Variants in FSIP2 observed in about 807,000 individuals in gnomAD.
The protein encoded by FSIP2 is fibrous sheath interacting protein 2, also known as fibrous sheath-interacting protein 2.
Under a neutral mutation model 510.5 loss-of-function variants are expected in FSIP2, and 367 were observed. That is an observed-to-expected ratio of 0.72 (90% CI 0.66 to 0.78). The LOEUF (loss-of-function observed/expected upper bound fraction) is 0.78, where lower values mean the gene tolerates loss of function less well. FSIP2 is among the 30% of genes least tolerant of loss of function. The probability of loss-of-function intolerance (pLI) is 0.00; values close to 1 mark genes in which losing one functional copy is unlikely to be tolerated. For missense variants in FSIP2, 7,594 were observed against 7,901.7 expected (o/e 0.96, Z 1.48); for synonymous variants, 2,601 against 2,732.2 (o/e 0.95, Z 1.50).
intron 19 of FSIP2, among the ~76,000 whole-genome samples, chr2:185,823,084 C>T (rs1423383309): frequency 1.3e-5 from 2 of 151,772 alleles, no homozygotes; most frequent in Non-Finnish European, 2.9e-5. Context: ...GAGATCTAAA[C>T]ATAAGAACTA....
chr2:185,773,130 G>A (rs951683747), intron 13 of FSIP2, among the ~76,000 whole-genome samples: 2 of 152,088 alleles, frequency 1.3e-5, no homozygotes, highest in Admixed American at 1.3e-4. Context: ...CCAAAGTGCT[G>A]GGATTACAAG....
chr2:185,771,926 C>A (rs1456937926), intron 13 of FSIP2, among the ~76,000 whole-genome samples: 1 of 152,196 alleles, frequency 6.6e-6, no homozygotes. Context: ...TTAGAAGCAG[C>A]CACATCATTT....
chr2:185,784,402 G>A (rs1692919418), intron 14 of FSIP2, among the ~76,000 whole-genome samples: 1 of 151,942 alleles, frequency 6.6e-6, no homozygotes, highest in South Asian at 2.1e-4. Context: ...GGGTGTAATG[G>A]TCAAATTAGC....
chr2:185,785,131 G>C (rs1367546973), intron 14 of FSIP2, among the ~76,000 whole-genome samples: 4 of 152,076 alleles, frequency 2.6e-5, no homozygotes, highest in African/African-American at 9.7e-5. Context: ...AAACAGAAAA[G>C]TGAATCTGAA....
At chr2:185,829,121 A>G (rs950974973) in intron 21 of FSIP2, among the ~76,000 whole-genome samples, 2 of 151,870 alleles carry the variant, frequency 1.3e-5, no homozygotes, top group African/African-American at 4.8e-5. Flanking sequence ...CTGAAGCTCT[A>G]ATCTAAGAAC....
chr2:185,800,655 A>G lies in FSIP2; in HGVS notation c.11349A>G (p.Thr3783=). Residue 3783 remains threonine (T), a synonymous_variant, in exon 17 of 23, where the codon ACA becomes ACG. Transcript: ENST00000424728. ...FPDKGSVSEE[T]SAEECQLLKM... is the part of the protein sequence containing the mutation. ...ATAAAGGGTCTGTTTCAGAGGAAAC[A>G]TCAGCAGAAGAATGTCAACTTTTAA... is the stretch of plus-strand genomic sequence containing the variant. The G allele has an allele frequency of 6.5e-7, 1 of 1,534,222 alleles. No individual in the cohort carries two copies. Among genetic ancestry groups the G allele is most frequent in the Non-Finnish European group, 8.7e-7 (1 of 1,145,686 alleles).
rs1445513532 is a variant in FSIP2 at position 185,794,232 on chromosome 2, G to T, written c.7096G>T (p.Asp2366Tyr). Residue 2366 changes from aspartate (D) to tyrosine (Y), a missense_variant, in exon 16 of 23, where the codon GAC becomes TAC. Transcript: ENST00000424728. ...TGCCATTTTGAAGCTTATTAAAAAT[G>T]ACTTAGACTTAGAAATTCAAAAGAT... is the stretch of plus-strand genomic sequence containing the variant. Reference protein sequence around the residue: ...ASAILKLIKNDLDLEIQKIYP... With the variant: ...ASAILKLIKNYLDLEIQKIYP... 1.3e-6 allele frequency: 2 copies of T among 1,533,916 alleles called. No homozygotes were observed. The highest frequency in any genetic ancestry group is 1.7e-6 in the Non-Finnish European group (2 of 1,145,556).
At position 185,804,592 on chromosome 2, in the gene FSIP2, C is replaced by T; in HGVS notation, c.15286C>T (p.Leu5096Phe). The T allele has an allele frequency of 6.5e-7, 1 of 1,533,038 alleles. No homozygotes were observed. The highest frequency in any genetic ancestry group is 8.7e-7 in the Non-Finnish European group (1 of 1,144,796). 95.0% of individuals were successfully genotyped at this position (1,533,038 alleles called of 1,614,324 possible). ...AGCTGATAATATCATCAGAAATGTG[C>T]TTAACATAATCACAAAGGATAGCCA... ...PQADNIIRNV[L>F]NIITKDSHAL... Residue 5096 changes from leucine (L) to phenylalanine (F), a missense_variant, in exon 17 of 23, where the codon CTT (leucine) becomes TTT (phenylalanine). Leu to Phe is a conservative substitution (Grantham distance 22, BLOSUM62 0). Coordinates refer to ENST00000424728, the MANE Select transcript of FSIP2 (RefSeq NM_173651.4).
intron 2 of FSIP2, among the ~76,000 whole-genome samples, chr2:185,741,827 C>G (rs1039639758): frequency 2.0e-5 from 3 of 152,154 alleles, no homozygotes; most frequent in African/African-American, 7.2e-5. Context: ...CTCTCATCTA[C>G]CTTTTACCCA....
chr2:185,772,954 A>G (rs1692637912), intron 13 of FSIP2, among the ~76,000 whole-genome samples: 1 of 151,846 alleles, frequency 6.6e-6, no homozygotes, highest in South Asian at 2.1e-4. Context: ...TCCACATCCT[A>G]GGCTCAAGCC....
chr2:185,779,847 GATTTT>G (rs1692804475), intron 13 of FSIP2, among the ~76,000 whole-genome samples: 1 of 151,604 alleles, frequency 6.6e-6, no homozygotes. Context: ...TAAATTCTCA[GATTTT>G]ATTTGATAAA....
intron 7 of FSIP2, among the ~76,000 whole-genome samples, chr2:185,750,524 G>A (rs184761992): frequency 6.7e-6 from 1 of 148,726 alleles, no homozygotes; most frequent in African/African-American, 2.4e-5. Flanking sequence ...CCTGGCTAGA[G>A]TTGCTTTTTC....
In FSIP2 at chr2:185,803,661, T is replaced by C; in HGVS notation, c.14355T>C (p.Tyr4785=). The C allele has an allele frequency of 6.5e-7, 1 of 1,528,558 alleles. No individual in the cohort carries two copies. Among genetic ancestry groups the C allele is most frequent in the Non-Finnish European group, 8.8e-7 (1 of 1,141,862 alleles). 94.7% of individuals were successfully genotyped at this position (1,528,558 alleles called of 1,614,324 possible). The change falls in exon 17 of 23, where the codon TAT becomes TAC. Residue 4785 remains tyrosine (Y), a synonymous_variant. Coordinates refer to ENST00000424728, the MANE Select transcript of FSIP2 (RefSeq NM_173651.4). The part of the protein sequence containing the change: ...SRFQRQASTM[Y]TTMLSHSHLE... ...TCCAAAGACAAGCTTCAACAATGTA[T>C]ACCACTATGTTATCACATAGTCATT... is the stretch of plus-strand genomic sequence containing the variant.
At chr2:185,829,457 A>G (rs1411827805) in intron 21 of FSIP2, among the ~76,000 whole-genome samples, 3 of 152,016 alleles carry the variant, frequency 2.0e-5, no homozygotes, top group Non-Finnish European at 4.4e-5. Flanking sequence ...TAGACTCAGG[A>G]AAACTCAAAT....
In FSIP2 at chr2:185,800,960, T is replaced by G. The variant is rs367899820; in HGVS notation, c.11654T>G (p.Ile3885Arg). 1.6e-5 allele frequency: 25 copies of G among 1,529,086 alleles called. No homozygotes were observed. The South Asian group carries it at 1.7e-4, about 10-fold the overall frequency. 94.7% of individuals were successfully genotyped at this position (1,529,086 alleles called of 1,614,324 possible). A position where few individuals can be genotyped will look rare whatever the true frequency, so the allele number is the denominator to read the frequency against. The change falls in exon 17 of 23, where the codon ATA (isoleucine) becomes AGA (arginine). Residue 3885 changes from isoleucine to arginine, a missense_variant. Transcript: ENST00000424728. Reference sequence around the variant, plus strand: ...ACAAGAGAAATACAGTCTAGTTTCATAAAAGCAAGAAAGTCAGAATTAATA... The same window carrying G: ...ACAAGAGAAATACAGTCTAGTTTCAGAAAAGCAAGAAAGTCAGAATTAATA... ...YRTREIQSSF[I>R]KARKSELIEL...
At chr2:185,743,430 TA>T in intron 3 of FSIP2, 136 bp downstream of exon 3, 1 of 427,232 alleles carries the variant, frequency 2.3e-6, no homozygotes, top group Non-Finnish European at 4.0e-6. Context: ...GGCAGTTCTA[TA>T]AATTTCTCAG....
At position 185,833,259 on chromosome 2, in the gene FSIP2, C is replaced by A; in HGVS notation, c.*33C>A. ...GTACCTGATATAAGTATGCTTACTT[C>A]TTTTAGAAAATAAAATGGTTTTTAA... is the stretch of plus-strand genomic sequence containing the variant. On this transcript the variant is annotated 3_prime_UTR_variant, in exon 23 of 23. Transcript: ENST00000424728. 3 of 1,548,192 alleles carry A rather than the reference C, an allele frequency of 1.9e-6. No individual in the cohort carries two copies. Among genetic ancestry groups the A allele is most frequent in the African/African-American group, 1.4e-5 (1 of 71,994 alleles).
chr2:185,776,516 T>C (rs1040204866), intron 13 of FSIP2, among the ~76,000 whole-genome samples: 6 of 152,192 alleles, frequency 3.9e-5, no homozygotes, highest in African/African-American at 1.4e-4. Flanking sequence ...CTTGAATTGA[T>C]ATCAGAAAAT....
In FSIP2 at chr2:185,808,852, G is replaced by T; in HGVS notation, c.19546G>T (p.Glu6516Ter). 6.2e-7 allele frequency: 1 copy of T among 1,611,688 alleles called. No homozygotes were observed. The highest frequency in any genetic ancestry group is 8.5e-7 in the Non-Finnish European group (1 of 1,179,066). The change falls in exon 17 of 23, where the codon GAA becomes TAA. Residue 6516 changes from glutamate to a stop codon, truncating the protein, a stop_gained. Coordinates refer to ENST00000424728, the MANE Select transcript of FSIP2 (RefSeq NM_173651.4). LOFTEE classifies it high-confidence loss of function. The stretch of plus-strand genomic sequence containing the variant: ...GTTAGATCAAAATTTATCTGAAGAG[G>T]AATCTCCAATTAAAATAGTTCCACA... ...EKLDQNLSEE[E>*]SPIKIVPHVG...
Sources: gnomAD v4.1 joint callset for allele counts (sites outside exome capture counted in the v4.1 genomes callset) on GRCh38, gnomAD v4.1.1 for gene constraint, MANE v1.5 for transcripts, NCBI Gene and HGNC (gene_info 2026-07-23, HGNC 2026-07-21) for gene names.